CPQ: variants seen among roughly 807,000 people sequenced by gnomAD.
The protein encoded by CPQ is carboxypeptidase Q.
Under a neutral mutation model 45.7 loss-of-function variants are expected in CPQ, and 37 were observed. The observed-to-expected ratio is 0.81, with a 90% confidence interval of 0.62 to 1.07. CPQ has a LOEUF of 1.07. CPQ is among the 50% of genes least tolerant of loss of function. The pLI, the probability that CPQ is intolerant of heterozygous loss-of-function variation, is 0.00. For missense variants in CPQ, 537 were observed against 572.9 expected (o/e 0.94, Z 0.64); for synonymous variants, 186 against 205.8 (o/e 0.90, Z 0.82).
intron 2 of CPQ, among the ~76,000 whole-genome samples, chr8:96,803,993 G>A (rs903066404): frequency 6.6e-6 from 1 of 152,190 alleles, no homozygotes; most frequent in Non-Finnish European, 1.5e-5. Context: ...CTGGTGTAAT[G>A]TGGGAACATG....
chr8:97,039,991 T>A (rs1471055090), intron 6 of CPQ, among the ~76,000 whole-genome samples: 8 of 152,008 alleles, frequency 5.3e-5, no homozygotes, highest in African/African-American at 1.9e-4. Context: ...CCTTTGGGTA[T>A]ATACCCAGTA....
intron 7 of CPQ, among the ~76,000 whole-genome samples, chr8:97,067,021 GC>G (rs1260263979): frequency 7.0e-6 from 1 of 143,830 alleles, no homozygotes; most frequent in Non-Finnish European, 1.5e-5. Context: ...CCACCTCCTG[GC>G]CTTAAGCAAT....
chr8:97,133,021 CAG>C (rs1811983854), intron 7 of CPQ: 1 of 152,018 alleles, frequency 6.6e-6, no homozygotes, highest in Non-Finnish European at 1.5e-5. Flanking sequence ...CCCGCACACA[CAG>C]AAAATTATAA....
At chr8:96,892,291 A>G (rs958654932) in intron 4 of CPQ, among the ~76,000 whole-genome samples, 1 of 152,228 alleles carries the variant, frequency 6.6e-6, no homozygotes, top group East Asian at 1.9e-4. Context: ...ACATAACTGA[A>G]TAGTTAGAGA....
chr8:96,936,633 G>A (rs1813054213), intron 4 of CPQ, among the ~76,000 whole-genome samples: 1 of 152,140 alleles, frequency 6.6e-6, no homozygotes, highest in South Asian at 2.1e-4. Context: ...GAAACATACA[G>A]AAATATCTAA....
At chr8:96,737,271 G>GAT (rs1809996563) in intron 1 of CPQ, among the ~76,000 whole-genome samples, 1 of 136,776 alleles carries the variant, frequency 7.3e-6, no homozygotes. Context: ...AAACTAATAG[G>GAT]ATATATATAT....
rs1811545729 is a variant in CPQ at position 97,114,215 on chromosome 8, G to A, written c.1256-28805G>A. Among the ~76,000 whole-genome samples, 5 of 152,298 alleles carry A rather than the reference G, an allele frequency of 3.3e-5. No individual in the cohort carries two copies. In the South Asian group the frequency reaches 1.0e-3, roughly 32 times the overall value. ...ATTATAGGAGAAGAGGAAACCAGGG[G>A]TATGTTTCAAAGTAGTTGGCACGTG... On this transcript the variant is annotated intron_variant, in intron 7 of 7. Coordinates refer to ENST00000220763, the MANE Select transcript of CPQ (RefSeq NM_016134.4).
chr8:96,687,376 C>A (rs2130734468), intron 1 of CPQ, among the ~76,000 whole-genome samples: 1 of 152,036 alleles, frequency 6.6e-6, no homozygotes, highest in South Asian at 2.1e-4. Flanking sequence ...CCACTCCTGG[C>A]TAATTTTTGT....
chr8:97,021,610 T>C (rs1809684849), intron 5 of CPQ, among the ~76,000 whole-genome samples: 1 of 151,990 alleles, frequency 6.6e-6, no homozygotes, highest in Admixed American at 6.6e-5. Flanking sequence ...CCTTTTAAAA[T>C]AGCTGCAAAA....
intron 7 of CPQ, among the ~76,000 whole-genome samples, chr8:97,081,137 T>A (rs905778623): frequency 2.0e-5 from 3 of 152,200 alleles, no homozygotes; most frequent in African/African-American, 7.2e-5. Context: ...CATTGATTAT[T>A]ATAAATATCA....
intron 3 of CPQ, 135 bp from the exon 4 acceptor site, chr8:96,879,663 A>G (rs1563519372): frequency 3.2e-6 from 2 of 632,476 alleles, no homozygotes; most frequent in Non-Finnish European, 5.6e-6. Context: ...AAGTAAATCA[A>G]TACTTCCCAC....
At chr8:96,888,130 A>G (rs1736713127) in intron 4 of CPQ, among the ~76,000 whole-genome samples, 1 of 152,162 alleles carries the variant, frequency 6.6e-6, no homozygotes, top group African/African-American at 2.4e-5. Context: ...GCCACTAACC[A>G]CTAATGTCAC....
chr8:96,732,734 T>C lies in CPQ; in HGVS notation c.-34-52130T>C, dbSNP rs1222902792. ...GGCCACATTGGGATACTGTCTATAC[T>C]GCTGCCTCTTTCTCACATTATCTTC... On this transcript the variant is annotated intron_variant, in intron 1 of 7. Transcript: ENST00000220763. Among the ~76,000 whole-genome samples, 3 of 152,300 alleles carry C rather than the reference T, an allele frequency of 2.0e-5. No individual in the cohort carries two copies. The East Asian group carries it at 5.8e-4, about 29-fold the overall frequency.
intron 1 of CPQ, among the ~76,000 whole-genome samples, chr8:96,672,744 C>T (rs768691668): frequency 1.3e-5 from 2 of 152,012 alleles, no homozygotes; most frequent in Admixed American, 6.6e-5. Flanking sequence ...CATCACTTTA[C>T]TCCAGCCTGG....
intron 7 of CPQ, among the ~76,000 whole-genome samples, chr8:97,074,702 C>G (rs571262091): frequency 6.6e-6 from 1 of 152,170 alleles, no homozygotes; most frequent in Admixed American, 6.5e-5. Flanking sequence ...ATCCGGGAGG[C>G]AGAGGTTGCA....
chr8:97,085,396 A>C (rs72664567), intron 7 of CPQ, among the ~76,000 whole-genome samples: 17,941 of 151,382 alleles, frequency 0.12, 1,826 homozygotes, highest in African/African-American at 0.27. Context: ...AAAAAAAAAA[A>C]CCAAAAACAA....
intron 4 of CPQ, among the ~76,000 whole-genome samples, chr8:96,892,448 T>C (rs1343818424): frequency 6.6e-6 from 1 of 152,228 alleles, no homozygotes; most frequent in Non-Finnish European, 1.5e-5. Flanking sequence ...ATAAGCAAAG[T>C]AATTATTAAA....
chr8:96,654,089 T>G (rs1194953160), intron 1 of CPQ, among the ~76,000 whole-genome samples: 1 of 152,198 alleles, frequency 6.6e-6, no homozygotes, highest in Non-Finnish European at 1.5e-5. Context: ...TCTGCCAGAT[T>G]GTCTGATGTT....
chr8:97,118,037 A>T (rs182758603), intron 7 of CPQ, among the ~76,000 whole-genome samples: 67 of 152,352 alleles, frequency 4.4e-4, no homozygotes, highest in Non-Finnish European at 6.2e-4. Context: ...ATAAAAGGTC[A>T]TGCAGTGTGC....
Sources: allele counts gnomAD v4.1 joint callset (sites outside exome capture counted in the v4.1 genomes callset), GRCh38; gene constraint gnomAD v4.1.1; transcripts MANE v1.5; gene names NCBI Gene and HGNC (gene_info 2026-07-23, HGNC 2026-07-21).